Variants in THTPA observed in about 807,000 individuals in gnomAD.
THTPA encodes the protein thiamine triphosphatase, also known as thiamine-triphosphatase.
THTPA carries 16 observed loss-of-function variants against 16.5 expected under a neutral mutation model. The observed-to-expected ratio is 0.97, with a 90% CI of 0.66 to 1.47. The LOEUF (loss-of-function observed/expected upper bound fraction) is 1.47. THTPA is among the 40% of genes most tolerant of loss of function. THTPA has a pLI of 0.00. For missense variants in THTPA, 281 were observed against 280.9 expected, an observed-to-expected ratio of 1.00 and a Z score of 0.00; for synonymous variants, 110 against 115.5, an observed-to-expected ratio of 0.95 and a Z score of 0.30.
At chr14:23,543,880 C>A in the THTPA span, 8 of 151,860 alleles carry the variant, frequency 5.3e-5, no homozygotes, top group African/African-American at 1.9e-4. Flanking sequence ...GTCAGACAGA[C>A]CTGGAATCAA....
At chr14:23,551,781 G>T (rs1181244005), upstream of THTPA, 1 of 152,464 alleles carries the variant, frequency 6.6e-6, no homozygotes. This position sits in a 1 kb window ranked among gnomAD's most constrained non-coding sequence, Gnocchi z 5.3. Flanking sequence ...ATACCCAGGC[G>T]CCCGGGGCTG....
the THTPA span, chr14:23,526,348 C>G: frequency 6.5e-7 from 1 of 1,536,322 alleles, no homozygotes; most frequent in Non-Finnish European, 8.7e-7. Flanking sequence ...GGGTGAAGGA[C>G]TCCTTACACA....
At chr14:23,525,428 C>G in the THTPA span, 1 of 1,536,094 alleles carries the variant, frequency 6.5e-7, no homozygotes, top group Non-Finnish European at 8.7e-7. The surrounding 1 kb of genome is among the most constrained non-coding windows in gnomAD (Gnocchi z 5.9). Context: ...GGGCAGAAAG[C>G]GGCGGTGGAC....
At chr14:23,531,572 C>T in the THTPA span, 3 of 1,525,958 alleles carry the variant, frequency 2.0e-6, no homozygotes, top group Middle Eastern at 1.7e-4. Flanking sequence ...GTAGCAGCTG[C>T]AGACGCCTCT....
the THTPA span, among the ~76,000 whole-genome samples, chr14:23,535,569 ATTTAT>A: frequency 2.8e-4 from 42 of 151,988 alleles, no homozygotes; most frequent in African/African-American, 4.3e-4. This position sits in a 1 kb window ranked among gnomAD's most constrained non-coding sequence, Gnocchi z 4.5. Context: ...TCTTCATTTT[ATTTAT>A]TTTATTTTAT....
At chr14:23,535,175 T>A in the THTPA span, 1 of 1,534,568 alleles carries the variant, frequency 6.5e-7, no homozygotes, top group Non-Finnish European at 8.7e-7. The surrounding 1 kb of genome is among the most constrained non-coding windows in gnomAD (Gnocchi z 4.5). Context: ...GAGGACCTCA[T>A]GTTCTCAGAG....
At chr14:23,531,482 G>A in the THTPA span, 16 of 1,397,362 alleles carry the variant, frequency 1.1e-5, no homozygotes, top group South Asian at 3.2e-5. Context: ...CTTCCTCACC[G>A]GGAGTCCGGA....
At chr14:23,535,234 C>G in the THTPA span, 17 of 1,520,918 alleles carry the variant, frequency 1.1e-5, no homozygotes, top group Non-Finnish European at 1.4e-5. This position sits in a 1 kb window ranked among gnomAD's most constrained non-coding sequence, Gnocchi z 4.5. Flanking sequence ...AGAGGGGGTG[C>G]TGGAGGAGAA....
At chr14:23,514,811 T>C in the THTPA span, among the ~76,000 whole-genome samples, 2 of 152,040 alleles carry the variant, frequency 1.3e-5, no homozygotes, top group South Asian at 2.1e-4. Context: ...TGGGTGGAGC[T>C]CTGTGCAGGG....
chr14:23,521,990 G>T, the THTPA span: 1 of 1,536,286 alleles, frequency 6.5e-7, no homozygotes, highest in Non-Finnish European at 8.7e-7. Context: ...AGAGGTAGTC[G>T]TAGTTTTTGG....
chr14:23,556,662 A>T lies in THTPA; in HGVS notation c.-96A>T. ...GTGCCCCTCATAAGTTTTTCCAGGGAGGGGTTCTGTACTGAGTTGACGCCC... is the reference window on the plus strand; with the variant it reads ...GTGCCCCTCATAAGTTTTTCCAGGGTGGGGTTCTGTACTGAGTTGACGCCC... On this transcript the variant is annotated 5_prime_UTR_variant, in exon 1 of 2. Transcript: ENST00000288014. 1 of 1,324,194 alleles carries T rather than the reference A, an allele frequency of 7.6e-7. No homozygotes were observed. Among genetic ancestry groups the T allele is most frequent in the Non-Finnish European group, 1.0e-6 (1 of 979,656 alleles). 82.0% of individuals were successfully genotyped at this position (1,324,194 alleles called of 1,614,324 possible). A position where few individuals can be genotyped will look rare whatever the true frequency, so the allele number is the denominator to read the frequency against.
chr14:23,555,505 C>T (rs373023591), upstream of THTPA, among the ~76,000 whole-genome samples: 1 of 152,152 alleles, frequency 6.6e-6, no homozygotes, highest in South Asian at 2.1e-4. Context: ...TCTAGGTCTC[C>T]AACTGTTGAA....
At chr14:23,532,449 C>T in the THTPA span, 35 of 1,269,280 alleles carry the variant, frequency 2.8e-5, no homozygotes, top group Middle Eastern at 1.9e-3. Context: ...CTGGTGCATA[C>T]TTTCCTTTTT....
In THTPA at chr14:23,556,503, G is replaced by A. The variant is rs183378441; in HGVS notation, c.-255G>A. 3.8e-6 allele frequency: 2 copies of A among 524,908 alleles called. No individual in the cohort carries two copies. Among genetic ancestry groups the A allele is most frequent in the African/African-American group, 3.8e-5 (2 of 52,634 alleles). 32.5% of individuals were successfully genotyped at this position (524,908 alleles called of 1,614,324 possible). A position where few individuals can be genotyped will look rare whatever the true frequency, so the allele number is the denominator to read the frequency against. ...TTTCTAGGGGTCTCTTTGGATTGAG[G>A]ACATCAGCAGCAGTGGAAGGGATTT... is the stretch of plus-strand genomic sequence containing the variant. On this transcript the variant is annotated 5_prime_UTR_variant, in exon 1 of 2. Coordinates refer to ENST00000288014, the MANE Select transcript of THTPA (RefSeq NM_024328.6).
Position 23,556,963 on chromosome 14 carries a change from C to G in THTPA, c.206C>G (p.Ala69Gly). Residue 69 changes from alanine to glycine, a missense_variant, in exon 1 of 2, where the codon GCA (alanine) becomes GGA (glycine). Ala to Gly is a moderately conservative substitution (Grantham distance 60, BLOSUM62 0). Transcript: ENST00000288014. ...DSGWELKCPG[A>G]AGVLGPHTEY... is the part of the protein sequence containing the mutation. ...GGATGGGAGCTCAAATGTCCTGGAG[C>G]AGCAGGTGTCTTAGGACCCCACACG... The G allele has an allele frequency of 6.2e-7, 1 of 1,614,190 alleles. No individual in the cohort carries two copies. Among genetic ancestry groups the G allele is most frequent in the East Asian group, 2.2e-5 (1 of 44,894 alleles).
chr14:23,535,569 A>ATTTAT, the THTPA span, among the ~76,000 whole-genome samples: 36 of 151,988 alleles, frequency 2.4e-4, no homozygotes, highest in African/African-American at 6.3e-4. This position sits in a 1 kb window ranked among gnomAD's most constrained non-coding sequence, Gnocchi z 4.5. Flanking sequence ...TCTTCATTTT[A>ATTTAT]TTTATTTTAT....
At chr14:23,534,161 G>T in the THTPA span, 1 of 1,472,936 alleles carries the variant, frequency 6.8e-7, no homozygotes, top group Non-Finnish European at 9.0e-7. This position sits in a 1 kb window ranked among gnomAD's most constrained non-coding sequence, Gnocchi z 4.5. Flanking sequence ...CTTTGGTTGA[G>T]TGGGGGGCAG....
chr14:23,513,433 G>GTA, the THTPA span: 1 of 152,674 alleles, frequency 6.5e-6, no homozygotes, highest in Non-Finnish European at 1.5e-5. Context: ...GTACATGTAC[G>GTA]CATAAGCGTG....
chr14:23,529,818 G>A, the THTPA span: 1 of 1,512,426 alleles, frequency 6.6e-7, no homozygotes. Flanking sequence ...CCCTCAAGAT[G>A]ATTTGTAGCA....
Sources: allele counts gnomAD v4.1 joint callset (sites outside exome capture counted in the v4.1 genomes callset), GRCh38; gene constraint gnomAD v4.1.1; non-coding constraint Gnocchi (gnomAD v3.1); transcripts MANE v1.5; gene names NCBI Gene and HGNC (gene_info 2026-07-23, HGNC 2026-07-21).